The following PIGF variants were observed in gnomAD, a reference collection of about 807,000 sequenced individuals.
The protein encoded by PIGF is phosphatidylinositol glycan anchor biosynthesis class F.
Under a neutral mutation model 26.0 loss-of-function variants are expected in PIGF, and 23 were observed. The observed-to-expected ratio is 0.88, with a 90% CI of 0.64 to 1.25. The LOEUF (loss-of-function observed/expected upper bound fraction) is 1.25, where lower values mean the gene tolerates loss of function less well. PIGF is among the 50% of genes most tolerant of loss of function. The pLI is 0.00. For synonymous variants in PIGF, 93 were observed against 92.6 expected, an observed-to-expected ratio of 1.00 and a Z score of -0.03; for missense variants, 278 against 249.9, an observed-to-expected ratio of 1.11 and a Z score of -0.76.
At chr2:46,608,429 T>A (rs538265887) in intron 4 of PIGF, among the ~76,000 whole-genome samples, 1 of 152,208 alleles carries the variant, frequency 6.6e-6, no homozygotes, top group African/African-American at 2.4e-5. Context: ...TCAACATCAT[T>A]CATGAGGAAT....
At chr2:46,615,344 C>T in intron 1 of PIGF, 159 bp from the exon 2 acceptor site, 1 of 499,102 alleles carries the variant, frequency 2.0e-6, no homozygotes, top group Non-Finnish European at 3.6e-6. Flanking sequence ...CACATACAGA[C>T]TTAGCTTTCT....
chr2:46,610,041 A>C (rs529658221), intron 4 of PIGF, among the ~76,000 whole-genome samples: 2 of 152,356 alleles, frequency 1.3e-5, no homozygotes, highest in South Asian at 4.1e-4. Context: ...AGTGAGGAAC[A>C]ATAAAATGAG....
At chr2:46,587,212 T>A (rs1225709018) in intron 5 of PIGF, among the ~76,000 whole-genome samples, 3 of 152,166 alleles carry the variant, frequency 2.0e-5, no homozygotes, top group Non-Finnish European at 2.9e-5. Flanking sequence ...CACAGTATCA[T>A]CCCTTTGGTA....
chr2:46,591,907 A>C (rs1669732409), intron 5 of PIGF: 2 of 1,303,894 alleles, frequency 1.5e-6, no homozygotes, highest in Admixed American at 2.3e-5. Context: ...TGCTGCAAAA[A>C]TTACCTTGCT....
intron 1 of PIGF, 83 bp from the exon 2 acceptor site, chr2:46,615,268 C>A: frequency 1.5e-6 from 1 of 655,776 alleles, no homozygotes; most frequent in Admixed American, 2.6e-5. Context: ...AAAAATAGGT[C>A]ATAAAGTCAA....
At position 46,588,341 on chromosome 2, in the gene PIGF, C is replaced by G. The variant is rs78648708; in HGVS notation, c.546+4134G>C. On this transcript the variant is annotated intron_variant, in intron 5 of 5. Coordinates refer to ENST00000281382, the MANE Select transcript of PIGF (RefSeq NM_002643.4). This position sits in a 1 kb window ranked among gnomAD's most constrained non-coding sequence, Gnocchi z 4.1. ...CAAACTGAGACAATTAACATATTCT[C>G]TAATATATGAGAACTCAAATAAATC... is the stretch of plus-strand genomic sequence containing the variant. 5.5e-6 allele frequency: 5 copies of G among 902,912 alleles called. No homozygotes were observed. Among genetic ancestry groups the G allele is most frequent in the East Asian group, 2.8e-5 (1 of 36,048 alleles). The allele number at this position is 902,912 out of a possible 1,614,324, so 55.9% of individuals were successfully genotyped here. A position where few individuals can be genotyped will look rare whatever the true frequency, so the allele number is the denominator to read the frequency against.
At chr2:46,583,675 T>C (rs1215579953) in intron 5 of PIGF, among the ~76,000 whole-genome samples, 1 of 152,182 alleles carries the variant, frequency 6.6e-6, no homozygotes, top group African/African-American at 2.4e-5. Context: ...ACTGCCTTAT[T>C]TTCAGAAGCA....
At chr2:46,610,822 A>G (rs1670389147) in intron 4 of PIGF, among the ~76,000 whole-genome samples, 1 of 151,810 alleles carries the variant, frequency 6.6e-6, no homozygotes, top group Non-Finnish European at 1.5e-5. Flanking sequence ...GAGCCACCAC[A>G]CTCGTCCCAA....
intron 4 of PIGF, among the ~76,000 whole-genome samples, chr2:46,598,920 G>A (rs78416937): frequency 0.013 from 2,004 of 152,202 alleles, 50 homozygotes; most frequent in African/African-American, 0.045. Context: ...ATTCAAGCAC[G>A]GGGATGCACA....
At chr2:46,581,686 G>A in intron 5 of PIGF, 95 bp from the exon 6 acceptor site, 1 of 1,473,320 alleles carries the variant, frequency 6.8e-7, no homozygotes, top group Non-Finnish European at 9.1e-7. Flanking sequence ...AAAGCTTAAT[G>A]TGCTTTCTTA....
At chr2:46,584,756 G>T (rs1240633914) in intron 5 of PIGF, among the ~76,000 whole-genome samples, 1 of 152,026 alleles carries the variant, frequency 6.6e-6, no homozygotes, top group Admixed American at 6.5e-5. Context: ...TTTCTTAATC[G>T]TAACCCTGTC....
rs190729980 is a variant in PIGF, at chr2:46,604,432, T to C, written c.437+7796A>G. On this transcript the variant is annotated intron_variant, in intron 4 of 5. Transcript: ENST00000281382. ...ATGTTTATTGCATCACTAATCACAA[T>C]AGCCAAGATTTGGAAGCAACCTAAG... Among the ~76,000 whole-genome samples, 56 of 151,648 alleles carry C rather than the reference T, an allele frequency of 3.7e-4. No individual in the cohort carries two copies. The East Asian group carries it at 8.7e-3, about 24-fold the overall frequency.
intron 3 of PIGF, 112 bp downstream of exon 3, chr2:46,613,582 T>G: frequency 1.4e-6 from 1 of 693,566 alleles, no homozygotes; most frequent in Non-Finnish European, 2.4e-6. Flanking sequence ...TGTCCTTACT[T>G]GATCTATTAA....
In PIGF at chr2:46,588,604, G is replaced by A. The variant is rs77108403; in HGVS notation, c.546+3871C>T. ...TTACCTGCCTACCCATTAATAAAAC[G>A]TGAGTTTAAAAACCTCATGGTCAAT... On this transcript the variant is annotated intron_variant, in intron 5 of 5. Transcript: ENST00000281382. This position sits in a 1 kb window ranked among gnomAD's most constrained non-coding sequence, Gnocchi z 4.1. 5.5e-3 allele frequency: 842 copies of A among 153,234 alleles called. 1 individual carries two copies. Among genetic ancestry groups the A allele is most frequent in the Non-Finnish European group, 8.5e-3 (581 of 68,748 alleles). The allele number at this position is 153,234 out of a possible 1,614,324, so 9.5% of individuals were successfully genotyped here.
At chr2:46,594,858 T>G (rs1669834204) in intron 4 of PIGF, among the ~76,000 whole-genome samples, 1 of 151,132 alleles carries the variant, frequency 6.6e-6, no homozygotes, top group African/African-American at 2.4e-5. Flanking sequence ...TTTTGTTTGT[T>G]TTTGTTTTTG....
chr2:46,589,343 A>C lies in PIGF; in HGVS notation c.546+3132T>G, dbSNP rs1202974841. On this transcript the variant is annotated intron_variant, in intron 5 of 5. Transcript: ENST00000281382. The surrounding 1 kb of genome is among the most constrained non-coding windows in gnomAD (Gnocchi z 4.7). Reference sequence around the variant, plus strand: ...GGCCTTTCCAGTCATTTAATGAAGAAATTATTTTAAACATAAAAATATGCT... The same window carrying C: ...GGCCTTTCCAGTCATTTAATGAAGACATTATTTTAAACATAAAAATATGCT... Among the ~76,000 whole-genome samples the C allele has an allele frequency of 6.6e-6, 1 of 152,054 alleles. No individual in the cohort carries two copies. Among genetic ancestry groups the C allele is most frequent in the Non-Finnish European group, 1.5e-5 (1 of 67,932 alleles).
intron 4 of PIGF, 97 bp from the exon 5 acceptor site, chr2:46,592,680 C>T: frequency 1.6e-6 from 1 of 624,262 alleles, no homozygotes; most frequent in Non-Finnish European, 3.0e-6. Flanking sequence ...ACATATATTT[C>T]CTGCTAATTT....
chr2:46,605,996 A>C (rs1013842347), intron 4 of PIGF, among the ~76,000 whole-genome samples: 2 of 152,216 alleles, frequency 1.3e-5, no homozygotes, highest in African/African-American at 4.8e-5. Context: ...TCTGGAGACT[A>C]GGCTGTTCTC....
chr2:46,581,601 G>C lies in PIGF; in HGVS notation c.547-10C>G, dbSNP rs1669377767. On this transcript the variant is annotated splice_polypyrimidine_tract_variant and intron_variant, in intron 5 of 5. Coordinates refer to ENST00000281382, the MANE Select transcript of PIGF (RefSeq NM_002643.4). ...AGGAGATGGGCCATACCTGAGGAGA[G>C]AATGTATGAGATCAAAAAAGAACAA... 1.2e-6 allele frequency: 2 copies of C among 1,609,396 alleles called. No homozygotes were observed. The highest frequency in any genetic ancestry group is 1.1e-5 in the South Asian group (1 of 90,620).
Sources: allele counts gnomAD v4.1 joint callset (sites outside exome capture counted in the v4.1 genomes callset), GRCh38; gene constraint gnomAD v4.1.1; non-coding constraint Gnocchi (gnomAD v3.1); transcripts MANE v1.5; gene names NCBI Gene and HGNC (gene_info 2026-07-23, HGNC 2026-07-21).